PCNT: variants seen among roughly 807,000 people sequenced by gnomAD.
PCNT encodes the protein kendrin.
Under a neutral mutation model 380.4 loss-of-function variants are expected in PCNT, and 319 were observed. That is an observed-to-expected ratio of 0.84 (90% CI 0.77 to 0.92). PCNT has a LOEUF of 0.92. Ranked by LOEUF, PCNT falls within the 40% of genes least tolerant of loss-of-function variation. PCNT has a pLI of 0.00. For synonymous variants in PCNT, 1,845 were observed against 1,735.2 expected (o/e 1.06, Z -1.57); for missense variants, 4,400 against 4,255.3 (o/e 1.03, Z -0.95).
rs200927076 is a variant in PCNT at position 46,411,772 on chromosome 21, G to A, written c.5699G>A (p.Arg1900His). 35 of 1,606,008 alleles carry A rather than the reference G, an allele frequency of 2.2e-5. No homozygotes were observed. Among genetic ancestry groups the A allele is most frequent in the African/African-American group, 2.7e-5 (2 of 74,874 alleles). Residue 1900 changes from arginine to histidine, a missense_variant, in exon 28 of 47, where the codon CGC becomes CAC. Physicochemically the swap from Arg to His is conservative, Grantham distance 29. Coordinates refer to ENST00000359568, the MANE Select transcript of PCNT (RefSeq NM_006031.6). Reference sequence around the variant, plus strand: ...GAGGCCGTCCTGTTGGCCTTGGCCCGCATCCGCCGCGCCCTGGAGCAGCAG... The same window carrying A: ...GAGGCCGTCCTGTTGGCCTTGGCCCACATCCGCCGCGCCCTGGAGCAGCAG... ...ELEAVLLALA[R>H]IRRALEQQPL...
intron 9 of PCNT, 76 bp from the exon 10 acceptor site, chr21:46,353,028 C>T (rs1349000448): frequency 8.1e-7 from 1 of 1,233,722 alleles, no homozygotes; most frequent in Admixed American, 1.8e-5. Context: ...CCACAGGTAA[C>T]CAGGCTCTTG....
chr21:46,433,084 AG>A, intron 38 of PCNT, among the ~76,000 whole-genome samples: 1 of 152,326 alleles, frequency 6.6e-6, no homozygotes, highest in Non-Finnish European at 1.5e-5. Flanking sequence ...AATGTTGAAT[AG>A]AAGGGATGAG....
At chr21:46,382,438 T>C (rs2085593356) in intron 16 of PCNT, among the ~76,000 whole-genome samples, 1 of 146,250 alleles carries the variant, frequency 6.8e-6, no homozygotes, top group African/African-American at 2.5e-5. Flanking sequence ...GTGTTGTATA[T>C]TCAGTGGCGG....
At chr21:46,379,160 G>A (rs1410165946) in intron 15 of PCNT, among the ~76,000 whole-genome samples, 1 of 152,212 alleles carries the variant, frequency 6.6e-6, no homozygotes, top group African/African-American at 2.4e-5. Flanking sequence ...TCATTTCCTG[G>A]ATGTGGACTT....
Position 46,388,848 on chromosome 21 carries a change from C to T in PCNT, c.3571C>T (p.Leu1191=), listed in dbSNP as rs370240856. 23 of 1,610,538 alleles carry T rather than the reference C, an allele frequency of 1.4e-5. No individual in the cohort carries two copies. The highest frequency in any genetic ancestry group is 1.8e-5 in the Non-Finnish European group (21 of 1,179,882). ...SRIGERVGLC[L]DDAGAGLALS... The stretch of plus-strand genomic sequence containing the variant: ...GATCGGGGAGCGCGTGGGGCTCTGC[C>T]TGGATGACGCGGGCGCAGGCCTGGC... Residue 1191 remains leucine, a synonymous_variant, in exon 18 of 47, where the codon CTG becomes TTG. Transcript: ENST00000359568. The surrounding 1 kb of genome is among the most constrained non-coding windows in gnomAD (Gnocchi z 4.2).
intron 25 of PCNT, among the ~76,000 whole-genome samples, chr21:46,400,924 C>T (rs1299002725): frequency 1.3e-5 from 2 of 152,218 alleles, no homozygotes; most frequent in Non-Finnish European, 2.9e-5. Context: ...GACCGCTGAG[C>T]ATCACCTGCA....
At position 46,334,671 on chromosome 21, in the gene PCNT, A is replaced by G; in HGVS notation, c.542A>G (p.Gln181Arg). The G allele has an allele frequency of 6.2e-7, 1 of 1,607,940 alleles. No individual in the cohort carries two copies. The highest frequency in any genetic ancestry group is 8.5e-7 in the Non-Finnish European group (1 of 1,176,918). Residue 181 changes from glutamine to arginine, a missense_variant, in exon 3 of 47, where the codon CAG (glutamine) becomes CGG (arginine). By Grantham distance (43) the Gln-to-Arg change is conservative. Coordinates refer to ENST00000359568, the MANE Select transcript of PCNT (RefSeq NM_006031.6). ...MFTISDHQPE[Q>R]RGMFTVSDHT... ...ACAATCAGTGACCACCAACCGGAAC[A>G]GCGTGGGATGTTCACAGTCAGTGAC...
In PCNT at chr21:46,391,277, C is replaced by CAGCAGGCGGCCCAGG. The variant is rs780203417; in HGVS notation, c.4128_4142dup (p.Gln1377_Ala1381dup). The CAGCAGGCGGCCCAGG allele has an allele frequency of 1.9e-6, 3 of 1,590,736 alleles. No individual in the cohort carries two copies. The highest frequency in any genetic ancestry group is 2.6e-6 in the Non-Finnish European group (3 of 1,168,950). ...GCTGGAGAGCCTGAGACGGCAGCTGCAGCAGGCGGCCCAGGAGCAGGCGGC... is the reference window on the plus strand; with the variant it reads ...GCTGGAGAGCCTGAGACGGCAGCTGCAGCAGGCGGCCCAGGAGCAGGCGGCCCAGGAGCAGGCGGC... On this transcript the variant is annotated inframe_insertion, in exon 21 of 47. Coordinates refer to ENST00000359568, the MANE Select transcript of PCNT (RefSeq NM_006031.6).
rs565027680 is a variant in PCNT, at chr21:46,362,171, T to C, written c.2155-1309T>C. Among the ~76,000 whole-genome samples the C allele has an allele frequency of 1.7e-3, 252 of 152,300 alleles. 3 individuals carry two copies. The highest frequency in any genetic ancestry group is 4.6e-3 in the South Asian group (22 of 4,822). On this transcript the variant is annotated intron_variant, in intron 13 of 46. Transcript: ENST00000359568. Reference sequence around the variant, plus strand: ...TAGCTTTAGCCGGCTTGCTTGCTTTTGGAGTCTGCCCCTCGTATGTACAGA... The same window carrying C: ...TAGCTTTAGCCGGCTTGCTTGCTTTCGGAGTCTGCCCCTCGTATGTACAGA...
chr21:46,431,542 C>T lies in PCNT; in HGVS notation c.8078C>T (p.Ser2693Phe). 2.5e-6 allele frequency: 4 copies of T among 1,614,070 alleles called. No homozygotes were observed. Among genetic ancestry groups the T allele is most frequent in the Non-Finnish European group, 3.4e-6 (4 of 1,179,960 alleles). The change falls in exon 38 of 47, where the codon TCT becomes TTT. Residue 2693 changes from serine to phenylalanine, a missense_variant. Transcript: ENST00000359568. ...SAKALEELRA[S>F]LETQRAQSSR... ...TTTGCTGTCTAGGAGCTGCGGGCGT[C>T]TTTGGAGACACAGCGTGCTCAGAGC...
At chr21:46,338,959 T>C (rs1408161476) in intron 3 of PCNT, among the ~76,000 whole-genome samples, 4 of 152,150 alleles carry the variant, frequency 2.6e-5, no homozygotes, top group Non-Finnish European at 5.9e-5. Flanking sequence ...TTTTTGTATT[T>C]CTAGTAGAGA....
chr21:46,440,931 T>G lies in PCNT; in HGVS notation c.9470T>G (p.Leu3157Trp), dbSNP rs1601218544. 1.2e-6 allele frequency: 2 copies of G among 1,613,736 alleles called. No individual in the cohort carries two copies. The change falls in exon 43 of 47, where the codon TTG (leucine) becomes TGG (tryptophan). Residue 3157 changes from leucine to tryptophan, a missense_variant. Transcript: ENST00000359568. Reference sequence around the variant, plus strand: ...CTGATTTATCAAAAGAAGTATCTTTTGCTGTTGATTGGTGGATTCCAGGAT... The same window carrying G: ...CTGATTTATCAAAAGAAGTATCTTTGGCTGTTGATTGGTGGATTCCAGGAT... ...KALIYQKKYLLLLIGGFQDSE... is the reference protein window; with the variant it reads ...KALIYQKKYLWLLIGGFQDSE...
At chr21:46,343,153 T>A (rs2083957780) in intron 3 of PCNT, among the ~76,000 whole-genome samples, 1 of 152,184 alleles carries the variant, frequency 6.6e-6, no homozygotes, top group South Asian at 2.1e-4. Context: ...GGATGCCCTC[T>A]ATTTCTTCTC....
At chr21:46,344,100 T>C (rs2083991486) in intron 3 of PCNT, among the ~76,000 whole-genome samples, 1 of 151,696 alleles carries the variant, frequency 6.6e-6, no homozygotes, top group Middle Eastern at 3.4e-3. Context: ...AGTATCGCTC[T>C]GTCACCCAGG....
At position 46,357,045 on chromosome 21, in the gene PCNT, G is replaced by A. The variant is rs760909162; in HGVS notation, c.2008G>A (p.Val670Ile). The change falls in exon 13 of 47, where the codon GTC (valine) becomes ATC (isoleucine). Residue 670 changes from valine to isoleucine, a missense_variant. Val to Ile is a conservative substitution (Grantham distance 29, BLOSUM62 3). Coordinates refer to ENST00000359568, the MANE Select transcript of PCNT (RefSeq NM_006031.6). ...LEADTERAAR[V>I]LGLETEHKVQ... ...GGCCGACACAGAGCGGGCAGCCAGA[G>A]TCTTGGGTCTGGAAACTGAGCACAA... 1 of 1,614,248 alleles carries A rather than the reference G, an allele frequency of 6.2e-7. No individual in the cohort carries two copies. The highest frequency in any genetic ancestry group is 1.1e-5 in the South Asian group (1 of 91,086).
rs1000380015 is a variant in PCNT at position 46,356,056 on chromosome 21, G to A, written c.1936+430G>A. Among the ~76,000 whole-genome samples the A allele has an allele frequency of 3.3e-5, 5 of 152,222 alleles. No individual in the cohort carries two copies. The East Asian group carries it at 5.8e-4, about 18-fold the overall frequency. On this transcript the variant is annotated intron_variant, in intron 12 of 46. Transcript: ENST00000359568. ...GTTGTGGGATGTCCAGGCAGGGCACGGGGCACAGGGCTGTGGGGTCAGAAG... is the reference window on the plus strand; with the variant it reads ...GTTGTGGGATGTCCAGGCAGGGCACAGGGCACAGGGCTGTGGGGTCAGAAG...
chr21:46,401,108 T>C (rs2086411248), intron 25 of PCNT, among the ~76,000 whole-genome samples: 1 of 152,258 alleles, frequency 6.6e-6, no homozygotes, highest in Non-Finnish European at 1.5e-5. Flanking sequence ...TGTATGCAAT[T>C]TTATATGTCA....
intron 2 of PCNT, 127 bp from the exon 3 acceptor site, chr21:46,334,270 G>A (rs1296930678): frequency 1.6e-6 from 2 of 1,280,752 alleles, no homozygotes; most frequent in Non-Finnish European, 1.1e-6. Context: ...GTTCTGAACA[G>A]GTGGAAGTGA....
At position 46,366,783 on chromosome 21, in the gene PCNT, A is replaced by C. The variant is rs577883327; in HGVS notation, c.2809A>C (p.Lys937Gln). 5.6e-5 allele frequency: 90 copies of C among 1,613,724 alleles called. No homozygotes were observed. In the South Asian group the frequency reaches 7.9e-4, roughly 14 times the overall value. The change falls in exon 15 of 47, where the codon AAG becomes CAG. Residue 937 changes from lysine (K) to glutamine (Q), a missense_variant. Physicochemically the swap from Lys to Gln is moderately conservative, Grantham distance 53. Coordinates refer to ENST00000359568, the MANE Select transcript of PCNT (RefSeq NM_006031.6). ...CGAGCTGACAGCCTCCTTAGAGAGC[A>C]AGCAGGGGGCTCTGCTGGCTGCACG... ...LGELTASLES[K>Q]QGALLAARVA...
Sources: allele counts gnomAD v4.1 joint callset (sites outside exome capture counted in the v4.1 genomes callset), GRCh38; gene constraint gnomAD v4.1.1; non-coding constraint Gnocchi (gnomAD v3.1); transcripts MANE v1.5; gene names NCBI Gene and HGNC (gene_info 2026-07-23, HGNC 2026-07-21).